Variants in SGCZ observed in about 807,000 individuals in gnomAD.
The protein encoded by SGCZ is zeta-sarcoglycan.
Under a neutral mutation model 41.3 loss-of-function variants are expected in SGCZ, and 40 were observed. The observed-to-expected ratio is 0.97, with a 90% CI of 0.75 to 1.26. SGCZ has a LOEUF of 1.26. Ranked by LOEUF, SGCZ falls within the 50% of genes most tolerant of loss-of-function variation. The pLI, the probability that SGCZ is intolerant of heterozygous loss-of-function variation, is 0.00. For synonymous variants in SGCZ, 206 were observed against 137.5 expected (o/e 1.50, Z -3.49); for missense variants, 552 against 369.8 (o/e 1.49, Z -4.04).
intron 1 of SGCZ, among the ~76,000 whole-genome samples, chr8:14,663,334 T>A (rs1048953310): frequency 5.3e-5 from 8 of 152,212 alleles, no homozygotes; most frequent in African/African-American, 1.7e-4. Flanking sequence ...TATTTCACCC[T>A]GGATTCCTGT....
intron 1 of SGCZ, among the ~76,000 whole-genome samples, chr8:14,815,561 C>T (rs529935766): frequency 2.6e-5 from 4 of 152,178 alleles, no homozygotes; most frequent in Non-Finnish European, 5.9e-5. Context: ...TGCACCTATG[C>T]CAGCACATAC....
chr8:14,751,966 C>T lies in SGCZ; in HGVS notation c.40-197040G>A, dbSNP rs564191612. ...AAAAACAAACAAAAAAAAAAAACAC[C>T]TTAGAGGATTTGAGGACAGACACAA... is the stretch of plus-strand genomic sequence containing the variant. On this transcript the variant is annotated intron_variant, in intron 1 of 7. Transcript: ENST00000382080. 4.6e-5 allele frequency among the ~76,000 whole-genome samples: 7 copies of T among 151,320 alleles called. No individual in the cohort carries two copies. The East Asian group carries it at 1.4e-3, about 29-fold the overall frequency.
chr8:14,944,477 T>C (rs1800377359), intron 1 of SGCZ, among the ~76,000 whole-genome samples: 1 of 152,180 alleles, frequency 6.6e-6, no homozygotes, highest in Non-Finnish European at 1.5e-5. Context: ...AGCTATGTTG[T>C]GGATTCATTA....
chr8:14,708,095 CAA>C (rs1809388903), intron 1 of SGCZ, among the ~76,000 whole-genome samples: 1 of 151,734 alleles, frequency 6.6e-6, no homozygotes, highest in South Asian at 2.1e-4. Context: ...ACCATAATTT[CAA>C]GTTAATTTTT....
intron 4 of SGCZ, among the ~76,000 whole-genome samples, chr8:14,202,117 A>G (rs1805473916): frequency 6.6e-6 from 1 of 152,180 alleles, no homozygotes; most frequent in Non-Finnish European, 1.5e-5. Context: ...TATGCTGGAT[A>G]ATCCCAATGT....
At chr8:14,092,384 A>G (rs1383493566) in intron 7 of SGCZ, among the ~76,000 whole-genome samples, 1 of 152,084 alleles carries the variant, frequency 6.6e-6, no homozygotes, top group East Asian at 1.9e-4. Flanking sequence ...TGGAGATATC[A>G]TTGAATCTAT....
At chr8:14,326,645 A>G (rs12543686) in intron 2 of SGCZ, among the ~76,000 whole-genome samples, 30,463 of 152,138 alleles carry the variant, frequency 0.2, 3,761 homozygotes, top group Non-Finnish European at 0.29. Flanking sequence ...GCCTTACAGG[A>G]AACCAACCCA....
At chr8:14,409,361 T>G (rs757397445) in intron 2 of SGCZ, among the ~76,000 whole-genome samples, 1 of 152,044 alleles carries the variant, frequency 6.6e-6, no homozygotes, top group Non-Finnish European at 1.5e-5. Flanking sequence ...TTTAAAAAAC[T>G]TAAAAAATGT....
At chr8:15,206,668 C>T (rs933503100) in intron 1 of SGCZ, among the ~76,000 whole-genome samples, 2 of 152,042 alleles carry the variant, frequency 1.3e-5, no homozygotes, top group Admixed American at 6.6e-5. Context: ...AGGCTGGTCT[C>T]GAACTCCTGA....
intron 1 of SGCZ, among the ~76,000 whole-genome samples, chr8:15,118,078 A>G (rs1157120475): frequency 2.6e-5 from 4 of 152,232 alleles, no homozygotes; most frequent in Non-Finnish European, 1.5e-5. Flanking sequence ...ATTTTCATGT[A>G]GCACTTTGAT....
intron 2 of SGCZ, among the ~76,000 whole-genome samples, chr8:14,329,918 T>A (rs1462522330): frequency 6.6e-6 from 1 of 152,118 alleles, no homozygotes; most frequent in Non-Finnish European, 1.5e-5. Flanking sequence ...AGCAGTTTTT[T>A]GTTTGTTTTT....
At chr8:14,445,381 A>G (rs1800401706) in intron 2 of SGCZ, among the ~76,000 whole-genome samples, 1 of 152,176 alleles carries the variant, frequency 6.6e-6, no homozygotes, top group African/African-American at 2.4e-5. Context: ...CTTTGCCTAT[A>G]AAGACCCCAG....
At chr8:14,592,225 G>A (rs1421670548) in intron 1 of SGCZ, among the ~76,000 whole-genome samples, 2 of 152,068 alleles carry the variant, frequency 1.3e-5, no homozygotes, top group African/African-American at 2.4e-5. Flanking sequence ...GTTTTAAAAT[G>A]AGGGGAGTGA....
At chr8:14,341,445 TTTG>T (rs990047696) in intron 2 of SGCZ, among the ~76,000 whole-genome samples, 9 of 152,024 alleles carry the variant, frequency 5.9e-5, no homozygotes, top group African/African-American at 2.2e-4. Flanking sequence ...TTACCTTTTG[TTTG>T]TTTTTTTAAT....
At chr8:14,540,988 G>GTA (rs1405845073) in intron 2 of SGCZ, among the ~76,000 whole-genome samples, 4 of 149,864 alleles carry the variant, frequency 2.7e-5, no homozygotes, top group Non-Finnish European at 5.9e-5. Context: ...ATGTTCTTAT[G>GTA]TATATATATG....
intron 4 of SGCZ, among the ~76,000 whole-genome samples, chr8:14,216,688 C>G (rs1294213113): frequency 6.6e-6 from 1 of 151,884 alleles, no homozygotes; most frequent in Non-Finnish European, 1.5e-5. Context: ...TGTTCAACAC[C>G]CATTTGTGAT....
chr8:15,109,994 G>A (rs1391726697), intron 1 of SGCZ, among the ~76,000 whole-genome samples: 1 of 152,118 alleles, frequency 6.6e-6, no homozygotes, highest in South Asian at 2.1e-4. Flanking sequence ...ATAAAGGATT[G>A]CATGTGGCAT....
intron 1 of SGCZ, among the ~76,000 whole-genome samples, chr8:14,994,808 C>A (rs1012238194): frequency 6.6e-6 from 1 of 151,974 alleles, no homozygotes; most frequent in Non-Finnish European, 1.5e-5. Context: ...AGATAACTCC[C>A]AGCTTCATTT....
intron 2 of SGCZ, among the ~76,000 whole-genome samples, chr8:14,401,208 A>G (rs754580291): frequency 3.9e-4 from 59 of 152,306 alleles, no homozygotes; most frequent in Non-Finnish European, 6.5e-4. Context: ...CATTATGCAT[A>G]TCAATAAAAC....
Sources: allele counts gnomAD v4.1 joint callset (sites outside exome capture counted in the v4.1 genomes callset), GRCh38; gene constraint gnomAD v4.1.1; transcripts MANE v1.5; gene names NCBI Gene and HGNC (gene_info 2026-07-23, HGNC 2026-07-21).